Variants in MTERF4 observed in about 807,000 individuals in gnomAD.
The protein encoded by MTERF4 is mitochondrial transcription termination factor 4.
Under a neutral mutation model 22.5 loss-of-function variants are expected in MTERF4, and 17 were observed. That is an observed-to-expected ratio of 0.75 (90% CI 0.52 to 1.13). MTERF4 has a LOEUF of 1.13. MTERF4 is among the 50% of genes most tolerant of loss of function. MTERF4 has a pLI of 0.00. For synonymous variants in MTERF4, 165 were observed against 175.3 expected, an observed-to-expected ratio of 0.94 and a Z score of 0.47; for missense variants, 420 against 466.8, an observed-to-expected ratio of 0.90 and a Z score of 0.92.
At chr2:241,053,907 A>G in the MTERF4 span, among the ~76,000 whole-genome samples, 2 of 152,210 alleles carry the variant, frequency 1.3e-5, no homozygotes, top group Admixed American at 1.3e-4. Flanking sequence ...AGAGGAGTCC[A>G]AACTGTCCAT....
the MTERF4 span, chr2:241,065,384 C>T: frequency 3.9e-5 from 63 of 1,613,060 alleles, no homozygotes; most frequent in Admixed American, 6.7e-5. Context: ...ATGGTCCAGC[C>T]GCCAGGCAGA....
chr2:241,099,327 G>A lies in MTERF4; in HGVS notation c.520+69C>T, dbSNP rs1026588843. ...TGACCTCAAGTGATCTGCCTGCCTC[G>A]GCCTCCCAAAGATCTGGGATTACAG... is the stretch of plus-strand genomic sequence containing the variant. On this transcript the variant is annotated intron_variant, in intron 2 of 3. Transcript: ENST00000391980. 1.3e-4 allele frequency: 196 copies of A among 1,521,004 alleles called. 2 individuals are homozygous for A. The highest frequency in any genetic ancestry group is 7.0e-4 in the Middle Eastern group (4 of 5,694). 94.2% of individuals were successfully genotyped at this position (1,521,004 alleles called of 1,614,324 possible).
the MTERF4 span, chr2:241,050,032 A>G: frequency 4.3e-5 from 38 of 879,640 alleles, no homozygotes; most frequent in Non-Finnish European, 7.0e-5. Context: ...TGTTTCGCGA[A>G]TTGCTGACCT....
chr2:241,071,667 G>GGCGCGC, downstream of MTERF4: 1 of 1,560,878 alleles, frequency 6.4e-7, no homozygotes, highest in Admixed American at 1.9e-5. Flanking sequence ...GCCTGCCGGA[G>GGCGCGC]CTGCGCCTGC....
chr2:241,089,187 C>A, downstream of MTERF4: 1 of 1,068,062 alleles, frequency 9.4e-7, no homozygotes, highest in Non-Finnish European at 1.3e-6. Flanking sequence ...TTCATACTGA[C>A]CATCATTTTT....
At chr2:241,051,889 C>G in the MTERF4 span, 5 of 1,512,090 alleles carry the variant, frequency 3.3e-6, no homozygotes, top group Non-Finnish European at 4.5e-6. This position sits in a 1 kb window ranked among gnomAD's most constrained non-coding sequence, Gnocchi z 4.7. Context: ...GGGGGGAGGG[C>G]AGGAACGACG....
rs962445884 is a variant in MTERF4, at chr2:241,080,909, C to G, written n.480-5227G>C. On this transcript the variant is annotated intron_variant and non_coding_transcript_variant, in intron 4 of 4. Coordinates refer to the MTERF4 transcript ENST00000464344. The stretch of plus-strand genomic sequence containing the variant: ...AAAGCCTGTCTTCACAGACCACTCT[C>G]CAGCTGGTGAGGGCAGGAGCGACAG... 1.3e-5 allele frequency among the ~76,000 whole-genome samples: 2 copies of G among 152,234 alleles called. 1 individual carries two copies. The highest frequency in any genetic ancestry group is 4.1e-4 in the South Asian group (2 of 4,834).
chr2:241,075,042 T>G lies in MTERF4; in HGVS notation n.1120A>C, dbSNP rs1575079913. Reference sequence around the variant, plus strand: ...GTGATCGTTAGACCTGTGTTTTCACTCCGCATTCTCGGACTGAGGTTGGCC... The same window carrying G: ...GTGATCGTTAGACCTGTGTTTTCACGCCGCATTCTCGGACTGAGGTTGGCC... On this transcript the variant is annotated non_coding_transcript_exon_variant, in exon 5 of 5. Transcript: ENST00000464344. This position sits in a 1 kb window ranked among gnomAD's most constrained non-coding sequence, Gnocchi z 4.8. 2 of 152,226 alleles carry G rather than the reference T, an allele frequency of 1.3e-5. No homozygotes were observed. The highest frequency in any genetic ancestry group is 6.5e-5 in the Admixed American group (1 of 15,274). 9.4% of individuals were successfully genotyped at this position (152,226 alleles called of 1,614,324 possible).
Position 241,096,561 on chromosome 2 carries a change from G to A in MTERF4, c.706-123C>T, listed in dbSNP as rs778066339. ...AAAGAATTGCCTAATTGACAACAGC[G>A]AATACCCAGTCTAGGATACTGACAT... On this transcript the variant is annotated intron_variant, in intron 3 of 3. Transcript: ENST00000391980. This position sits in a 1 kb window ranked among gnomAD's most constrained non-coding sequence, Gnocchi z 5.1. 17 of 1,016,246 alleles carry A rather than the reference G, an allele frequency of 1.7e-5. No homozygotes were observed. Among genetic ancestry groups the A allele is most frequent in the Admixed American group, 7.6e-5 (4 of 52,820 alleles). The allele number at this position is 1,016,246 out of a possible 1,614,324, so 63.0% of individuals were successfully genotyped here.
the MTERF4 span, chr2:241,048,576 T>C: frequency 6.7e-7 from 1 of 1,500,254 alleles, no homozygotes; most frequent in Middle Eastern, 1.9e-4. Flanking sequence ...GTATGGGAAG[T>C]TGGCCAGGAG....
the MTERF4 span, among the ~76,000 whole-genome samples, chr2:241,049,299 G>C: frequency 6.6e-6 from 1 of 152,200 alleles, no homozygotes; most frequent in Admixed American, 6.5e-5. Context: ...TGTAATATGG[G>C]GCTAGACATC....
chr2:241,042,621 T>C, the MTERF4 span, among the ~76,000 whole-genome samples: 3 of 152,184 alleles, frequency 2.0e-5, no homozygotes, highest in Non-Finnish European at 2.9e-5. Context: ...CTATTATGAA[T>C]ATGCTCCTAT....
At chr2:241,053,118 C>G in the MTERF4 span, 2 of 1,588,610 alleles carry the variant, frequency 1.3e-6, no homozygotes, top group East Asian at 4.6e-5. Context: ...CAGGAAGGCA[C>G]AGGACCGTGC....
intron 1 of MTERF4, chr2:241,101,108 C>A (rs1399359881): frequency 6.6e-6 from 3 of 457,374 alleles, no homozygotes; most frequent in Non-Finnish European, 9.2e-6. Flanking sequence ...TTGTTGTGCA[C>A]TTTATTTCTG....
At chr2:241,047,462 G>T in the MTERF4 span, among the ~76,000 whole-genome samples, 1 of 152,222 alleles carries the variant, frequency 6.6e-6, no homozygotes, top group African/African-American at 2.4e-5. Flanking sequence ...AATCAGTAAA[G>T]CTAGAGGAGA....
chr2:241,049,147 G>A, the MTERF4 span: 6 of 1,603,286 alleles, frequency 3.7e-6, no homozygotes, highest in East Asian at 2.3e-5. Context: ...TGAGTAGCTC[G>A]GGGACGAGCC....
the MTERF4 span, among the ~76,000 whole-genome samples, chr2:241,043,747 G>A: frequency 6.6e-6 from 1 of 152,166 alleles, no homozygotes; most frequent in African/African-American, 2.4e-5. Context: ...AAATACTTTT[G>A]GCTTTGTGAG....
the MTERF4 span, among the ~76,000 whole-genome samples, chr2:241,043,895 T>C: frequency 1.3e-5 from 2 of 152,200 alleles, no homozygotes; most frequent in African/African-American, 2.4e-5. Context: ...CAAGATTTGG[T>C]CTGTGGGTTA....
chr2:241,086,176 G>T (rs549894974), downstream of MTERF4, among the ~76,000 whole-genome samples: 3 of 152,104 alleles, frequency 2.0e-5, no homozygotes, highest in Non-Finnish European at 4.4e-5. Flanking sequence ...CCTGTCTGGG[G>T]TTTCTATGGA....
Sources: allele counts gnomAD v4.1 joint callset (sites outside exome capture counted in the v4.1 genomes callset), GRCh38; gene constraint gnomAD v4.1.1; non-coding constraint Gnocchi (gnomAD v3.1); transcripts MANE v1.5; gene names NCBI Gene and HGNC (gene_info 2026-07-23, HGNC 2026-07-21).